The following GPM6A variants were observed in gnomAD, a reference collection of about 807,000 sequenced individuals.
GPM6A encodes the protein glycoprotein M6A.
Under a neutral mutation model 32.1 loss-of-function variants are expected in GPM6A, and 7 were observed. The observed-to-expected ratio is 0.22, with a 90% CI of 0.12 to 0.41. The LOEUF is 0.41. Ranked by LOEUF, GPM6A falls within the 10% of genes least tolerant of loss-of-function variation. GPM6A has a pLI of 1.00. For missense variants in GPM6A, 235 were observed against 347.2 expected, an observed-to-expected ratio of 0.68 and a Z score of 2.57; for synonymous variants, 130 against 123.4, an observed-to-expected ratio of 1.05 and a Z score of -0.35.
rs368922879 is a variant in GPM6A, at chr4:175,967,201, C to A, written c.-23+35108G>T. On this transcript the variant is annotated intron_variant, in intron 1 of 7. Transcript: ENST00000280187. ...TCACAAAGCCAAAGAATAAAAATCA[C>A]GATTATGACAACAGATGCAGAATAA... Among the ~76,000 whole-genome samples, 3 of 152,098 alleles carry A rather than the reference C, an allele frequency of 2.0e-5. No homozygotes were observed. In the East Asian group the frequency reaches 5.8e-4, roughly 29 times the overall value.
At position 175,970,785 on chromosome 4, in the gene GPM6A, G is replaced by A. The variant is rs73873526; in HGVS notation, c.-23+31524C>T. ...GGAATTGCAACTAAAAGAAAAGCAA[G>A]ATTTTATTTTTCTTTGTCACCGCTT... On this transcript the variant is annotated intron_variant, in intron 1 of 7. Transcript: ENST00000280187. The A allele has an allele frequency of 3.7e-3, 1,605 of 432,052 alleles. 16 individuals are homozygous for A. The highest frequency in any genetic ancestry group is 0.028 in the African/African-American group (1,363 of 48,398). The allele number at this position is 432,052 out of a possible 1,614,324, so 26.8% of individuals were successfully genotyped here. A position where few individuals can be genotyped will look rare whatever the true frequency, so the allele number is the denominator to read the frequency against.
chr4:175,814,334 T>G (rs1014636973), upstream of GPM6A, among the ~76,000 whole-genome samples: 10 of 152,328 alleles, frequency 6.6e-5, no homozygotes, highest in East Asian at 1.9e-3. Flanking sequence ...ACCTAGAGAC[T>G]GGGCTAATAA....
intron 1 of GPM6A, among the ~76,000 whole-genome samples, chr4:175,850,716 G>T (rs930157913): frequency 6.6e-6 from 1 of 151,588 alleles, no homozygotes; most frequent in African/African-American, 2.4e-5. Flanking sequence ...AAATAAATAA[G>T]TATGTAAATA....
At position 175,640,792 on chromosome 4, in the gene GPM6A, A is replaced by T; in HGVS notation, c.579T>A (p.Thr193=). 1 of 1,610,434 alleles carries T rather than the reference A, an allele frequency of 6.2e-7. No homozygotes were observed. Among genetic ancestry groups the T allele is most frequent in the Non-Finnish European group, 8.5e-7 (1 of 1,177,100 alleles). Residue 193 remains threonine, a synonymous_variant, in exon 5 of 7, where the codon ACT becomes ACA. Coordinates refer to ENST00000393658, the MANE Select transcript of GPM6A (RefSeq NM_201591.3). The part of the protein sequence containing the change: ...VTIGEEKKIC[T]VSENFLRMCE... ...ACATCCTCAAGAAATTCTCAGAGACAGTACAAATTTTCTTTTCCTCTCCAA... is the reference window on the plus strand; with the variant it reads ...ACATCCTCAAGAAATTCTCAGAGACTGTACAAATTTTCTTTTCCTCTCCAA...
chr4:175,863,737 C>T (rs1579576863), intron 1 of GPM6A, among the ~76,000 whole-genome samples: 1 of 152,304 alleles, frequency 6.6e-6, no homozygotes, highest in South Asian at 2.1e-4. Context: ...CACAGTGGCT[C>T]ACATCTGTAA....
chr4:175,740,322 T>C (rs1360047928), intron 1 of GPM6A, among the ~76,000 whole-genome samples: 1 of 152,110 alleles, frequency 6.6e-6, no homozygotes, highest in Non-Finnish European at 1.5e-5. Flanking sequence ...CTGGATGATA[T>C]TTTGGATGAT....
chr4:175,914,559 G>A (rs1156324960), intron 1 of GPM6A, among the ~76,000 whole-genome samples: 1 of 152,212 alleles, frequency 6.6e-6, no homozygotes, highest in Non-Finnish European at 1.5e-5. Context: ...CTGATCTCAA[G>A]TGATCTGCCC....
At chr4:175,757,126 G>A (rs779308660) in intron 1 of GPM6A, among the ~76,000 whole-genome samples, 1 of 152,098 alleles carries the variant, frequency 6.6e-6, no homozygotes, top group Non-Finnish European at 1.5e-5. Flanking sequence ...TGACAGAGGT[G>A]ACAGTGTGCC....
chr4:175,891,722 T>A (rs1442894448), intron 1 of GPM6A: 1 of 152,224 alleles, frequency 6.6e-6, no homozygotes, highest in Non-Finnish European at 1.5e-5. Context: ...GGTGAGAATT[T>A]GAACTGCCTC....
At chr4:175,770,535 G>A (rs1350224369) in intron 1 of GPM6A, among the ~76,000 whole-genome samples, 1 of 152,106 alleles carries the variant, frequency 6.6e-6, no homozygotes, top group Non-Finnish European at 1.5e-5. Flanking sequence ...TCTGCCCGTT[G>A]CTTGACTGTC....
At chr4:175,870,451 G>A (rs1345694898) in intron 1 of GPM6A, among the ~76,000 whole-genome samples, 3 of 152,060 alleles carry the variant, frequency 2.0e-5, no homozygotes, top group Admixed American at 1.3e-4. Context: ...CCTACTATGT[G>A]ACAGGCACTA....
chr4:175,836,280 C>G (rs1735765932), intron 1 of GPM6A, among the ~76,000 whole-genome samples: 1 of 152,158 alleles, frequency 6.6e-6, no homozygotes, highest in Non-Finnish European at 1.5e-5. Flanking sequence ...CCATTTTCTT[C>G]TGCTCCTCAG....
chr4:175,871,622 C>T (rs1736912724), intron 1 of GPM6A, among the ~76,000 whole-genome samples: 1 of 152,172 alleles, frequency 6.6e-6, no homozygotes, highest in Non-Finnish European at 1.5e-5. Flanking sequence ...AGTAATGACA[C>T]TATCCCCTAT....
intron 1 of GPM6A, among the ~76,000 whole-genome samples, chr4:175,961,654 C>T (rs1579667098): frequency 6.6e-6 from 1 of 152,248 alleles, no homozygotes; most frequent in East Asian, 1.9e-4. Context: ...ACCAGGTTCT[C>T]ACAGAGAAGA....
At chr4:175,855,206 AAAAAGAAAGAAAATAATCTCTCC>A (rs1736381209) in intron 1 of GPM6A, among the ~76,000 whole-genome samples, 1 of 152,210 alleles carries the variant, frequency 6.6e-6, no homozygotes, top group Non-Finnish European at 1.5e-5. Context: ...ATATACTCTC[AAAAAGAAAGAAAATAATCTCTCC>A]AAACAGAACC....
At chr4:175,680,285 T>C (rs967841605) in intron 2 of GPM6A, among the ~76,000 whole-genome samples, 4 of 152,184 alleles carry the variant, frequency 2.6e-5, no homozygotes, top group Admixed American at 2.0e-4. Context: ...CCTCCTTTGA[T>C]ATTTGTACGT....
chr4:175,985,911 T>A (rs1191961184), intron 1 of GPM6A, among the ~76,000 whole-genome samples: 1 of 152,108 alleles, frequency 6.6e-6, no homozygotes, highest in African/African-American at 2.4e-5. Flanking sequence ...TTTTAAGTGA[T>A]TCTCCTGCCT....
intron 1 of GPM6A, among the ~76,000 whole-genome samples, chr4:175,968,304 C>G (rs1469238081): frequency 6.6e-6 from 1 of 152,002 alleles, no homozygotes; most frequent in East Asian, 1.9e-4. Flanking sequence ...AAATGTAAAC[C>G]ACAAAACTGT....
At chr4:175,658,043 C>T (rs1742185741) in intron 3 of GPM6A, among the ~76,000 whole-genome samples, 1 of 152,100 alleles carries the variant, frequency 6.6e-6, no homozygotes, top group Admixed American at 6.6e-5. Flanking sequence ...TCATCATCAT[C>T]GTTGTCAGCA....
Sources: allele counts gnomAD v4.1 joint callset (sites outside exome capture counted in the v4.1 genomes callset), GRCh38; gene constraint gnomAD v4.1.1; transcripts MANE v1.5; gene names NCBI Gene and HGNC (gene_info 2026-07-23, HGNC 2026-07-21).